The following DISC1 variants were observed in gnomAD, a reference collection of about 807,000 sequenced individuals.
DISC1 encodes the protein DISC1 scaffold protein.
A neutral mutation model predicts 84.5 loss-of-function variants in DISC1; 57 were observed. The observed-to-expected ratio is 0.67, with a 90% CI of 0.55 to 0.84. DISC1 has a LOEUF of 0.84. Among genes scored for constraint, DISC1 ranks in the 40% least tolerant of loss-of-function variants. The pLI is 0.00. For synonymous variants in DISC1, 411 were observed against 415.2 expected, an observed-to-expected ratio of 0.99 and a Z score of 0.12; for missense variants, 1,000 against 1,057.8, an observed-to-expected ratio of 0.95 and a Z score of 0.76.
At chr1:231,722,859 C>A in intron 3 of DISC1, 1 of 1,404,126 alleles carries the variant, frequency 7.1e-7, no homozygotes, top group South Asian at 1.5e-5. Context: ...GTTTCCCAGT[C>A]CCCTGTCATG....
chr1:231,958,767 T>C, intron 9 of DISC1, 61 bp from the exon 10 acceptor site: 1 of 1,522,174 alleles, frequency 6.6e-7, no homozygotes, highest in South Asian at 1.1e-5. Context: ...TTTAGTTGAA[T>C]GGTTTTTATT....
At chr1:231,671,549 C>G (rs1010397690) in intron 1 of DISC1, among the ~76,000 whole-genome samples, 1 of 152,174 alleles carries the variant, frequency 6.6e-6, no homozygotes, top group Middle Eastern at 3.2e-3. Context: ...CTCCCCAGCT[C>G]AACACATGCT....
At chr1:231,927,846 C>T (rs2090437410) in intron 9 of DISC1, among the ~76,000 whole-genome samples, 1 of 152,200 alleles carries the variant, frequency 6.6e-6, no homozygotes, top group Non-Finnish European at 1.5e-5. Flanking sequence ...TGTCTCCCAA[C>T]ACCTATACCT....
At chr1:231,902,840 C>A (rs1350833382) in intron 9 of DISC1, among the ~76,000 whole-genome samples, 1 of 152,086 alleles carries the variant, frequency 6.6e-6, no homozygotes, top group East Asian at 1.9e-4. Context: ...TTTTTGAACA[C>A]CAACATGATG....
intron 9 of DISC1, among the ~76,000 whole-genome samples, chr1:231,894,044 A>AG (rs1301989842): frequency 6.6e-6 from 1 of 152,200 alleles, no homozygotes; most frequent in Non-Finnish European, 1.5e-5. Flanking sequence ...TGAGTATGGA[A>AG]GTATGGGAAG....
At chr1:231,815,521 G>A (rs923146498) in intron 8 of DISC1, among the ~76,000 whole-genome samples, 1 of 152,116 alleles carries the variant, frequency 6.6e-6, no homozygotes, top group Non-Finnish European at 1.5e-5. Flanking sequence ...GGTGGATCAC[G>A]AGGTCAGGAG....
At chr1:231,763,288 G>A (rs2075917227) in intron 4 of DISC1, among the ~76,000 whole-genome samples, 1 of 152,146 alleles carries the variant, frequency 6.6e-6, no homozygotes, top group Admixed American at 6.5e-5. Context: ...CGGTATAATA[G>A]CATCTTCATC....
intron 9 of DISC1, among the ~76,000 whole-genome samples, chr1:231,958,173 G>T (rs898723511): frequency 8.5e-5 from 13 of 152,188 alleles, no homozygotes; most frequent in African/African-American, 3.1e-4. Context: ...AGCAAAAGGG[G>T]AGAACTTGTT....
In DISC1 at chr1:232,040,866, C is replaced by T. The variant is rs1035681129; in HGVS notation, c.*4035C>T. 1 of 152,236 alleles carries T rather than the reference C, an allele frequency of 6.6e-6. No homozygotes were observed. The highest frequency in any genetic ancestry group is 6.5e-5 in the Admixed American group (1 of 15,284). 9.4% of individuals were successfully genotyped at this position (152,236 alleles called of 1,614,324 possible). A position where few individuals can be genotyped will look rare whatever the true frequency, so the allele number is the denominator to read the frequency against. On this transcript the variant is annotated 3_prime_UTR_variant, in exon 13 of 13. Coordinates refer to ENST00000439617, the MANE Select transcript of DISC1 (RefSeq NM_018662.3). ...CCATTCCCCAGTCATCCCAGGAAAA[C>T]CACTCACAGCCTGACACTGGGCTGA...
intron 11 of DISC1, among the ~76,000 whole-genome samples, chr1:232,016,525 A>C (rs1186914663): frequency 6.6e-6 from 1 of 152,204 alleles, no homozygotes; most frequent in African/African-American, 2.4e-5. Context: ...AGATTTGACT[A>C]TCAAACTCAG....
intron 1 of DISC1, among the ~76,000 whole-genome samples, chr1:231,653,520 G>A (rs2060811329): frequency 6.6e-6 from 1 of 152,230 alleles, no homozygotes; most frequent in Non-Finnish European, 1.5e-5. Flanking sequence ...CCATTGGCCA[G>A]AATGTCACAT....
rs1386771687 is a variant in DISC1, at chr1:231,948,811, C to T, written c.1982-10017C>T. On this transcript the variant is annotated intron_variant, in intron 9 of 12. Transcript: ENST00000439617. ...GGCCCCTCTTGGGCAGGTCCAAGGG[C>T]TATTCTAGATTGAAGCAGATATTCA... 3.3e-5 allele frequency among the ~76,000 whole-genome samples: 5 copies of T among 150,566 alleles called. No homozygotes were observed. In the East Asian group the frequency reaches 9.8e-4, roughly 30 times the overall value.
chr1:231,988,142 C>T (rs1347817875), intron 10 of DISC1, among the ~76,000 whole-genome samples: 1 of 152,076 alleles, frequency 6.6e-6, no homozygotes, highest in African/African-American at 2.4e-5. Flanking sequence ...GCCGAGATCG[C>T]GCCACTGCAC....
At chr1:231,718,427 T>A (rs954149015) in intron 3 of DISC1, among the ~76,000 whole-genome samples, 45 of 142,286 alleles carry the variant, frequency 3.2e-4, no homozygotes, top group African/African-American at 1.2e-3. Flanking sequence ...TTCAAGCAAC[T>A]TTCTCTCTCT....
At chr1:231,672,982 C>G (rs1327004088) in intron 1 of DISC1, among the ~76,000 whole-genome samples, 1 of 152,162 alleles carries the variant, frequency 6.6e-6, no homozygotes, top group Non-Finnish European at 1.5e-5. Context: ...GCAGAAGCTC[C>G]TAACCTCTTT....
rs187068172 is a variant in DISC1, at chr1:231,990,561, G to T, written c.2043-18224G>T. 7.2e-5 allele frequency among the ~76,000 whole-genome samples: 11 copies of T among 152,320 alleles called. No individual in the cohort carries two copies. The South Asian group carries it at 1.7e-3, about 23-fold the overall frequency. On this transcript the variant is annotated intron_variant, in intron 10 of 12. Coordinates refer to ENST00000439617, the MANE Select transcript of DISC1 (RefSeq NM_018662.3). ...CTGCTTCTGTGTACTTGGGGTGACAGTCTGACAGCCTGTGAGGTCAGACAA... is the reference window on the plus strand; with the variant it reads ...CTGCTTCTGTGTACTTGGGGTGACATTCTGACAGCCTGTGAGGTCAGACAA...
chr1:231,948,411 C>T (rs1657659645), intron 9 of DISC1, among the ~76,000 whole-genome samples: 1 of 152,064 alleles, frequency 6.6e-6, no homozygotes, highest in East Asian at 1.9e-4. Context: ...ATAATGGGAA[C>T]ACATGGACAT....
At chr1:231,670,906 A>G (rs940603834) in intron 1 of DISC1, among the ~76,000 whole-genome samples, 2 of 152,216 alleles carry the variant, frequency 1.3e-5, no homozygotes, top group African/African-American at 4.8e-5. Flanking sequence ...TGCATGTTAA[A>G]TAATGACTTT....
At position 232,008,780 on chromosome 1, in the gene DISC1, C is replaced by G. The variant is rs1667771950; in HGVS notation, c.2043-5C>G. ...TTTTATGCCTTTGTTTCCTCTCTGT[C>G]TCAGCTGCAAGTGTCCACTGCTTGG... On this transcript the variant is annotated splice_polypyrimidine_tract_variant and splice_region_variant and intron_variant, in intron 10 of 12. Coordinates refer to ENST00000439617, the MANE Select transcript of DISC1 (RefSeq NM_018662.3). 6.5e-7 allele frequency: 1 copy of G among 1,545,438 alleles called. No individual in the cohort carries two copies. The highest frequency in any genetic ancestry group is 1.8e-4 in the Middle Eastern group (1 of 5,676).
Sources: gnomAD v4.1 joint callset for allele counts (sites outside exome capture counted in the v4.1 genomes callset) on GRCh38, gnomAD v4.1.1 for gene constraint, MANE v1.5 for transcripts, NCBI Gene and HGNC (gene_info 2026-07-23, HGNC 2026-07-21) for gene names.